Variants in PTPRT observed in about 807,000 individuals in gnomAD.
PTPRT encodes the protein protein tyrosine phosphatase receptor type T.
A neutral mutation model predicts 176.8 loss-of-function variants in PTPRT; 56 were observed. That is an observed-to-expected ratio of 0.32 (90% confidence interval 0.26 to 0.40). The LOEUF is 0.40. Ranked by LOEUF, PTPRT falls within the 10% of genes least tolerant of loss-of-function variation. PTPRT has a pLI of 1.00. For synonymous variants in PTPRT, 783 were observed against 739.0 expected (o/e 1.06, Z -0.96); for missense variants, 1,540 against 1,908.2 (o/e 0.81, Z 3.60).
intron 1 of PTPRT, among the ~76,000 whole-genome samples, chr20:43,155,467 C>T (rs1315638145): frequency 6.6e-6 from 1 of 152,060 alleles, no homozygotes; most frequent in African/African-American, 2.4e-5. Flanking sequence ...TATGTGGAAT[C>T]TAAAAAAAAG....
chr20:42,812,925 G>A (rs1212400088), intron 2 of PTPRT, among the ~76,000 whole-genome samples: 1 of 152,046 alleles, frequency 6.6e-6, no homozygotes, highest in African/African-American at 2.4e-5. Flanking sequence ...TATACCTTTA[G>A]AGTATATATC....
At chr20:42,384,818 A>G (rs1297470469) in intron 9 of PTPRT, among the ~76,000 whole-genome samples, 1 of 152,108 alleles carries the variant, frequency 6.6e-6, no homozygotes, top group African/African-American at 2.4e-5. Context: ...TGTGGTTTTG[A>G]TTTGCACTTC....
At chr20:42,508,379 G>T (rs2071888232) in intron 7 of PTPRT, among the ~76,000 whole-genome samples, 1 of 152,112 alleles carries the variant, frequency 6.6e-6, no homozygotes, top group Non-Finnish European at 1.5e-5. Flanking sequence ...CAAAGGTGGG[G>T]TCTGAATCCC....
chr20:43,057,697 T>C (rs772830729), intron 1 of PTPRT, among the ~76,000 whole-genome samples: 3 of 152,204 alleles, frequency 2.0e-5, no homozygotes, highest in African/African-American at 4.8e-5. Flanking sequence ...AAATAAAAAC[T>C]TAGAATTCTT....
At chr20:42,619,947 A>G (rs2074156666) in intron 7 of PTPRT, among the ~76,000 whole-genome samples, 1 of 148,754 alleles carries the variant, frequency 6.7e-6, no homozygotes, top group African/African-American at 2.6e-5. Flanking sequence ...AGCTCGTCAA[A>G]GTCATTCTGC....
intron 7 of PTPRT, among the ~76,000 whole-genome samples, chr20:42,592,977 G>C (rs2073606371): frequency 6.6e-6 from 1 of 152,210 alleles, no homozygotes; most frequent in South Asian, 2.1e-4. Context: ...TCAAGCATAT[G>C]AAAAACTCAG....
chr20:42,716,875 T>G (rs1333932674), intron 6 of PTPRT, among the ~76,000 whole-genome samples: 1 of 152,174 alleles, frequency 6.6e-6, no homozygotes, highest in Admixed American at 6.5e-5. Flanking sequence ...GATGAGTTCA[T>G]GTCCTTTGTA....
intron 1 of PTPRT, among the ~76,000 whole-genome samples, chr20:43,160,334 C>T (rs565595703): frequency 6.6e-6 from 1 of 152,326 alleles, no homozygotes; most frequent in South Asian, 2.1e-4. Flanking sequence ...CAAATAAGTC[C>T]AGTTGATTAA....
At chr20:42,179,287 T>C (rs1568646811) in intron 16 of PTPRT, among the ~76,000 whole-genome samples, 1 of 152,218 alleles carries the variant, frequency 6.6e-6, no homozygotes, top group African/African-American at 2.4e-5. Context: ...GGCATTCACT[T>C]AATAAAAGTT....
At chr20:42,098,337 G>C in intron 27 of PTPRT, 84 bp downstream of exon 27, 1 of 1,554,458 alleles carries the variant, frequency 6.4e-7, no homozygotes, top group East Asian at 2.2e-5. Context: ...AGATGTGGCA[G>C]GCACCGGCTG....
chr20:43,038,919 A>C (rs1395624275), intron 1 of PTPRT, among the ~76,000 whole-genome samples: 1 of 152,228 alleles, frequency 6.6e-6, no homozygotes, highest in Admixed American at 6.5e-5. Context: ...ACTCCACTGA[A>C]GGGCATAACA....
intron 22 of PTPRT, 28 bp downstream of exon 22, chr20:42,115,171 G>A (rs767060907): frequency 1.6e-5 from 24 of 1,539,768 alleles, no homozygotes; most frequent in African/African-American, 5.5e-5. Context: ...ATGGTGGACC[G>A]GCTGCCCACA....
chr20:42,147,591 A>G (rs1988926890), intron 17 of PTPRT, among the ~76,000 whole-genome samples: 1 of 152,188 alleles, frequency 6.6e-6, no homozygotes, highest in African/African-American at 2.4e-5. Flanking sequence ...GAATCCTTGA[A>G]TGGCAGTTTG....
At chr20:42,707,350 A>G (rs1461586192) in intron 6 of PTPRT, among the ~76,000 whole-genome samples, 1 of 152,202 alleles carries the variant, frequency 6.6e-6, no homozygotes, top group Non-Finnish European at 1.5e-5. Flanking sequence ...CCGAGATAGC[A>G]TTCCCATGAG....
chr20:42,143,514 G>T (rs188632226), intron 17 of PTPRT, among the ~76,000 whole-genome samples: 1,768 of 148,520 alleles, frequency 0.012, 17 homozygotes, highest in Non-Finnish European at 0.02. Context: ...CTGAGAGCAC[G>T]CTACTGCACT....
chr20:42,212,865 A>G (rs1336708379), intron 15 of PTPRT, among the ~76,000 whole-genome samples: 1 of 152,230 alleles, frequency 6.6e-6, no homozygotes, highest in Non-Finnish European at 1.5e-5. Flanking sequence ...TGCCCTGGAT[A>G]ATGACTTTTC....
intron 1 of PTPRT, among the ~76,000 whole-genome samples, chr20:42,955,945 T>C (rs1213642397): frequency 6.6e-6 from 1 of 152,168 alleles, no homozygotes; most frequent in Non-Finnish European, 1.5e-5. Context: ...CATCACCGCT[T>C]GCTTGGGCAC....
chr20:42,362,032 C>G (rs1207668263), intron 9 of PTPRT, among the ~76,000 whole-genome samples: 2 of 152,158 alleles, frequency 1.3e-5, no homozygotes, highest in Non-Finnish European at 2.9e-5. Context: ...TGATGAATGT[C>G]AACAATACCA....
intron 1 of PTPRT, among the ~76,000 whole-genome samples, chr20:42,920,990 T>C (rs1040360123): frequency 2.0e-5 from 3 of 152,178 alleles, no homozygotes; most frequent in Non-Finnish European, 4.4e-5. Flanking sequence ...AATGAGATCA[T>C]GCAAATTTTA....
Sources: gnomAD v4.1 joint callset for allele counts (sites outside exome capture counted in the v4.1 genomes callset) on GRCh38, gnomAD v4.1.1 for gene constraint, MANE v1.5 for transcripts, NCBI Gene and HGNC (gene_info 2026-07-23, HGNC 2026-07-21) for gene names.